The following EFHB variants were observed in gnomAD, a reference collection of about 807,000 sequenced individuals.
EFHB encodes the protein EF-hand domain-containing family member B.
A neutral mutation model predicts 87.2 loss-of-function variants in EFHB; 91 were observed. The ratio of observed to expected loss-of-function variants is 1.04; its 90% CI spans 0.88 to 1.24. The LOEUF is 1.24. EFHB is among the 50% of genes most tolerant of loss of function. EFHB has a pLI of 0.00. For missense variants in EFHB, 1,084 were observed against 998.8 expected, an observed-to-expected ratio of 1.09 and a Z score of -1.15; for synonymous variants, 325 against 333.6, an observed-to-expected ratio of 0.97 and a Z score of 0.28.
At chr3:19,911,958 T>A (rs1293235715) in intron 5 of EFHB, among the ~76,000 whole-genome samples, 1 of 151,942 alleles carries the variant, frequency 6.6e-6, no homozygotes, top group African/African-American at 2.4e-5. Flanking sequence ...TTATTTTTTA[T>A]TTTTTAATTT....
At chr3:19,898,724 G>A in intron 8 of EFHB, 54 bp downstream of exon 8, 1 of 1,545,732 alleles carries the variant, frequency 6.5e-7, no homozygotes, top group Non-Finnish European at 8.9e-7. Flanking sequence ...AACTTTGTGG[G>A]GATTTTGTTG....
Position 19,915,534 on chromosome 3 carries a change from C to T in EFHB, c.1178-121G>A, listed in dbSNP as rs115199880. ...TGGATGCAAGGCTACATAGACATCC[C>T]GAGAGATCACAAAGCCAACATAAAT... On this transcript the variant is annotated intron_variant, in intron 4 of 12. Coordinates refer to ENST00000295824, the MANE Select transcript of EFHB (RefSeq NM_144715.4). 4.0e-3 allele frequency: 2,434 copies of T among 614,270 alleles called. 16 individuals carry two copies. The highest frequency in any genetic ancestry group is 0.023 in the Middle Eastern group (51 of 2,222). The allele number at this position is 614,270 out of a possible 1,614,324, so 38.1% of individuals were successfully genotyped here.
chr3:19,912,496 A>C (rs1695097068), intron 5 of EFHB, among the ~76,000 whole-genome samples: 1 of 152,216 alleles, frequency 6.6e-6, no homozygotes, highest in South Asian at 2.1e-4. Context: ...AAATAATAAT[A>C]ATAAGCAATG....
At chr3:19,916,136 C>A (rs1162632419) in intron 4 of EFHB, among the ~76,000 whole-genome samples, 5 of 152,302 alleles carry the variant, frequency 3.3e-5, no homozygotes, top group Non-Finnish European at 7.3e-5. Context: ...CAAATTAGAA[C>A]CCCTAATGCC....
chr3:19,881,106 G>C (rs1469167107), intron 12 of EFHB, among the ~76,000 whole-genome samples: 1 of 152,158 alleles, frequency 6.6e-6, no homozygotes, highest in Non-Finnish European at 1.5e-5. Context: ...CTGAAATTCA[G>C]AAGAGCAGAG....
intron 5 of EFHB, among the ~76,000 whole-genome samples, chr3:19,911,084 C>T (rs1405666362): frequency 1.3e-5 from 2 of 152,130 alleles, no homozygotes; most frequent in African/African-American, 4.8e-5. Context: ...GAAAATATGA[C>T]CTCACTAAAT....
intron 5 of EFHB, among the ~76,000 whole-genome samples, chr3:19,912,308 T>C (rs1695089933): frequency 6.6e-6 from 1 of 152,108 alleles, no homozygotes; most frequent in South Asian, 2.1e-4. Context: ...TTTAAAGTGC[T>C]GAAGAGAAGA....
chr3:19,919,713 A>C, intron 3 of EFHB, 120 bp downstream of exon 3: 1 of 1,007,616 alleles, frequency 9.9e-7, no homozygotes, highest in Non-Finnish European at 1.5e-6. Flanking sequence ...GATTGAGAAA[A>C]GCCTAGTAAA....
chr3:19,910,883 T>C (rs1695040991), intron 5 of EFHB, among the ~76,000 whole-genome samples: 1 of 152,210 alleles, frequency 6.6e-6, no homozygotes, highest in Non-Finnish European at 1.5e-5. Flanking sequence ...CAAAAACCAG[T>C]GTTACTGGGC....
chr3:19,940,311 T>G (rs1696127485), intron 1 of EFHB: 1 of 284,784 alleles, frequency 3.5e-6, no homozygotes, highest in African/African-American at 2.2e-5. Context: ...AGGGAGGAGA[T>G]CCACCAACAG....
At chr3:19,910,751 C>A (rs570088144) in intron 5 of EFHB, among the ~76,000 whole-genome samples, 42 of 152,270 alleles carry the variant, frequency 2.8e-4, no homozygotes, top group Non-Finnish European at 4.0e-4. Flanking sequence ...GGCTCAGAAC[C>A]GAGAGAAAGA....
Position 19,884,465 on chromosome 3 carries a change from G to A in EFHB, c.2084C>T (p.Ser695Phe). ...RTLLRPSDKV[S>F]NYYKTTSSEI... ...AGAAGAAGTTGTCTTATAGTAGTTG[G>A]AAACTTTATCACTTGGTCTCAGAAG... The change falls in exon 11 of 13, where the codon TCC (serine) becomes TTC (phenylalanine). Residue 695 changes from serine to phenylalanine, a missense_variant. Ser to Phe is a radical substitution (Grantham distance 155). Transcript: ENST00000295824. The A allele has an allele frequency of 6.2e-7, 1 of 1,613,896 alleles. No individual in the cohort carries two copies. The highest frequency in any genetic ancestry group is 8.5e-7 in the Non-Finnish European group (1 of 1,179,868).
chr3:19,898,456 C>T (rs1694558467), intron 8 of EFHB, among the ~76,000 whole-genome samples: 1 of 152,118 alleles, frequency 6.6e-6, no homozygotes, highest in Admixed American at 6.6e-5. Flanking sequence ...AGGACAATAT[C>T]CAAATTAATT....
intron 1 of EFHB, among the ~76,000 whole-genome samples, chr3:19,925,494 T>C (rs57303503): frequency 0.17 from 26,018 of 152,050 alleles, 2,884 homozygotes; most frequent in Non-Finnish European, 0.25. Context: ...AGGGTTATTG[T>C]CCTAAATAAC....
At chr3:19,934,355 T>A (rs547466008), upstream of EFHB, 3 of 865,366 alleles carry the variant, frequency 3.5e-6, no homozygotes, top group African/African-American at 1.8e-5. Context: ...CCTCTGTCTC[T>A]CTCTCTCCCC....
At chr3:19,926,070 T>C (rs966771580) in intron 1 of EFHB, among the ~76,000 whole-genome samples, 1 of 152,320 alleles carries the variant, frequency 6.6e-6, no homozygotes, top group African/African-American at 2.4e-5. Context: ...TTTTCTCCAA[T>C]ACCAGGGCCT....
At chr3:19,900,340 T>C (rs939972868) in intron 6 of EFHB, among the ~76,000 whole-genome samples, 1 of 151,948 alleles carries the variant, frequency 6.6e-6, no homozygotes, top group Non-Finnish European at 1.5e-5. Flanking sequence ...AGTAAGCAAA[T>C]ACATGGAGAA....
intron 1 of EFHB, among the ~76,000 whole-genome samples, chr3:19,939,478 G>A (rs1030628176): frequency 5.1e-5 from 7 of 136,494 alleles, no homozygotes; most frequent in Admixed American, 2.5e-4. Flanking sequence ...TCCGCCTCCC[G>A]GGTTCACGCC....
chr3:19,910,837 G>T (rs1288216208), intron 5 of EFHB, among the ~76,000 whole-genome samples: 1 of 152,202 alleles, frequency 6.6e-6, no homozygotes. Flanking sequence ...CCCAGATCTT[G>T]TCCAAGTCCA....
Sources: allele counts gnomAD v4.1 joint callset (sites outside exome capture counted in the v4.1 genomes callset), GRCh38; gene constraint gnomAD v4.1.1; transcripts MANE v1.5; gene names NCBI Gene and HGNC (gene_info 2026-07-23, HGNC 2026-07-21).